SHISA9: variants seen among roughly 807,000 people sequenced by gnomAD.
SHISA9 encodes the protein protein shisa-9.
Under a neutral mutation model 38.0 loss-of-function variants are expected in SHISA9, and 13 were observed. That is an observed-to-expected ratio of 0.34 (90% CI 0.22 to 0.54). SHISA9 has a LOEUF of 0.54. Among genes scored for constraint, SHISA9 ranks in the 20% least tolerant of loss-of-function variants. The pLI is 0.91. For synonymous variants in SHISA9, 275 were observed against 242.0 expected (o/e 1.14, Z -1.27); for missense variants, 538 against 575.8 (o/e 0.93, Z 0.67).
At chr16:13,291,866 G>A in the SHISA9 span, among the ~76,000 whole-genome samples, 2 of 152,132 alleles carry the variant, frequency 1.3e-5, no homozygotes, top group Non-Finnish European at 2.9e-5. Flanking sequence ...ACTCTGAACT[G>A]TGTAGGAGCC....
intron 2 of SHISA9, among the ~76,000 whole-genome samples, chr16:13,025,299 C>G (rs972969660): frequency 6.6e-6 from 1 of 152,184 alleles, no homozygotes; most frequent in East Asian, 1.9e-4. Context: ...ACTTGTTAGA[C>G]CTACAAATTC....
At chr16:13,311,691 G>A in the SHISA9 span, among the ~76,000 whole-genome samples, 1 of 152,164 alleles carries the variant, frequency 6.6e-6, no homozygotes. Context: ...TCAAATAAAT[G>A]GAGATTGTTC....
chr16:13,436,106 G>A, the SHISA9 span, among the ~76,000 whole-genome samples: 2 of 152,164 alleles, frequency 1.3e-5, no homozygotes, highest in African/African-American at 2.4e-5. Flanking sequence ...GAGTGACTCC[G>A]TCTTGAATAC....
chr16:13,248,900 C>G, the SHISA9 span, among the ~76,000 whole-genome samples: 3 of 152,262 alleles, frequency 2.0e-5, no homozygotes, highest in East Asian at 5.8e-4. Context: ...AGAGGGTAGA[C>G]CTTATGTGCA....
intron 2 of SHISA9, among the ~76,000 whole-genome samples, chr16:12,918,803 C>G (rs2071291187): frequency 6.7e-6 from 1 of 149,382 alleles, no homozygotes; most frequent in Admixed American, 6.7e-5. Flanking sequence ...TCTACAAACA[C>G]TACATTCTTA....
the SHISA9 span, among the ~76,000 whole-genome samples, chr16:13,542,306 A>T: frequency 6.6e-6 from 1 of 152,362 alleles, no homozygotes; most frequent in East Asian, 1.9e-4. Context: ...CCAGAAAGCT[A>T]TAACATGAGA....
chr16:12,939,055 T>TCTCCC (rs2071573710), intron 2 of SHISA9, among the ~76,000 whole-genome samples: 1 of 151,768 alleles, frequency 6.6e-6, no homozygotes, highest in Non-Finnish European at 1.5e-5. Context: ...TCTTCTCTCC[T>TCTCCC]CTCCCCTCCT....
intron 2 of SHISA9, among the ~76,000 whole-genome samples, chr16:13,015,177 A>C (rs1004738847): frequency 1.3e-5 from 2 of 152,200 alleles, no homozygotes; most frequent in African/African-American, 4.8e-5. Context: ...TTTTACTGGA[A>C]TGCAGCCATG....
intron 1 of SHISA9, among the ~76,000 whole-genome samples, chr16:12,903,202 T>C (rs534758124): frequency 6.6e-6 from 1 of 152,254 alleles, no homozygotes; most frequent in South Asian, 2.1e-4. Flanking sequence ...CCGCCTCGCT[T>C]TCCCAGAGCT....
At chr16:13,020,852 C>G (rs2072843820) in intron 2 of SHISA9, among the ~76,000 whole-genome samples, 1 of 152,144 alleles carries the variant, frequency 6.6e-6, no homozygotes, top group Non-Finnish European at 1.5e-5. Context: ...ATTGGATAAC[C>G]AGATTTCTGT....
chr16:12,911,261 C>G (rs2071179445), intron 1 of SHISA9: 1 of 985,276 alleles, frequency 1.0e-6, no homozygotes, highest in Admixed American at 6.2e-5. Context: ...TGCACCGTAA[C>G]ATCTGAGAAG....
chr16:13,188,567 A>C (rs2050851327), intron 2 of SHISA9, among the ~76,000 whole-genome samples: 1 of 152,124 alleles, frequency 6.6e-6, no homozygotes, highest in African/African-American at 2.4e-5. Flanking sequence ...AAATAAAAAA[A>C]TCAGCCAGGC....
the SHISA9 span, among the ~76,000 whole-genome samples, chr16:13,554,516 CTTT>C: frequency 5.3e-5 from 7 of 132,084 alleles, no homozygotes; most frequent in Non-Finnish European, 8.1e-5. Context: ...TCTTCTCTTT[CTTT>C]TTTTTTTTTT....
chr16:13,545,196 AT>A, the SHISA9 span, among the ~76,000 whole-genome samples: 1 of 152,192 alleles, frequency 6.6e-6, no homozygotes, highest in African/African-American at 2.4e-5. Flanking sequence ...AAGCCGAATA[AT>A]TTGTCCAAGA....
At chr16:13,327,192 C>A in the SHISA9 span, among the ~76,000 whole-genome samples, 1 of 152,126 alleles carries the variant, frequency 6.6e-6, no homozygotes, top group Non-Finnish European at 1.5e-5. Flanking sequence ...AGCCTTTCTC[C>A]CTGCCCGCTG....
At chr16:12,961,190 G>A (rs960225315) in intron 2 of SHISA9, among the ~76,000 whole-genome samples, 3 of 152,160 alleles carry the variant, frequency 2.0e-5, no homozygotes, top group African/African-American at 7.2e-5. Context: ...CAGGCAGAGG[G>A]AACTGCATGG....
intron 2 of SHISA9, among the ~76,000 whole-genome samples, chr16:12,955,212 G>A (rs1231598145): frequency 6.6e-6 from 1 of 152,094 alleles, no homozygotes; most frequent in Non-Finnish European, 1.5e-5. Flanking sequence ...AGGACTGGCT[G>A]GATTCCACCA....
the SHISA9 span, among the ~76,000 whole-genome samples, chr16:13,278,640 T>C: frequency 6.6e-6 from 1 of 152,210 alleles, no homozygotes; most frequent in Non-Finnish European, 1.5e-5. Context: ...TGATTTAAGC[T>C]AGGAGGGTTG....
In SHISA9 at chr16:12,902,700, G is replaced by A; in HGVS notation, c.563+73G>A. The A allele has an allele frequency of 4.3e-6, 6 of 1,382,266 alleles. No individual in the cohort carries two copies. The South Asian group carries it at 8.8e-5, about 20-fold the overall frequency. 85.6% of individuals were successfully genotyped at this position (1,382,266 alleles called of 1,614,324 possible). A position where few individuals can be genotyped will look rare whatever the true frequency, so the allele number is the denominator to read the frequency against. ...CTCTCTCCTCCCCACCTTCCCCCAG[G>A]CAATGGCGCTCCCCACGGTCCCCGC... is the stretch of plus-strand genomic sequence containing the variant. On this transcript the variant is annotated intron_variant, in intron 1 of 4. Transcript: ENST00000558583.
Sources: gnomAD v4.1 joint callset for allele counts (sites outside exome capture counted in the v4.1 genomes callset) on GRCh38, gnomAD v4.1.1 for gene constraint, MANE v1.5 for transcripts, NCBI Gene and HGNC (gene_info 2026-07-23, HGNC 2026-07-21) for gene names.